Variants in SLC25A26 observed in about 807,000 individuals in gnomAD.
SLC25A26 encodes solute carrier family 25 member 26.
SLC25A26 carries 36 observed loss-of-function variants against 37.8 expected under a neutral mutation model. The observed-to-expected ratio is 0.95, with a 90% CI of 0.73 to 1.26. The LOEUF (loss-of-function observed/expected upper bound fraction) is 1.26. Among genes scored for constraint, SLC25A26 ranks in the 50% most tolerant of loss-of-function variants. SLC25A26 has a pLI of 0.00. For synonymous variants in SLC25A26, 129 were observed against 122.5 expected (o/e 1.05, Z -0.35); for missense variants, 390 against 331.1 (o/e 1.18, Z -1.38).
chr3:66,141,733 C>T (rs532410336), intron 1 of SLC25A26, among the ~76,000 whole-genome samples: 2 of 152,236 alleles, frequency 1.3e-5, no homozygotes, highest in African/African-American at 4.8e-5. Context: ...AGGCTGGTTT[C>T]GAACTCCCGA....
intron 3 of SLC25A26, among the ~76,000 whole-genome samples, chr3:66,246,529 A>G (rs996290025): frequency 2.0e-5 from 3 of 152,190 alleles, no homozygotes; most frequent in African/African-American, 4.8e-5. Context: ...AAAAGGCTCT[A>G]AGTTTCTAAG....
At chr3:66,288,188 A>G (rs782721) in intron 5 of SLC25A26, among the ~76,000 whole-genome samples, 78,763 of 151,962 alleles carry the variant, frequency 0.52, 22,777 homozygotes, top group African/African-American at 0.78. Flanking sequence ...TGGAGTACTG[A>G]CAAGATAAGA....
chr3:66,184,605 A>C (rs1056915349), intron 1 of SLC25A26, among the ~76,000 whole-genome samples: 2 of 148,986 alleles, frequency 1.3e-5, no homozygotes, highest in African/African-American at 5.0e-5. Context: ...TGAGTTTACT[A>C]TGTATTACAT....
intron 1 of SLC25A26, among the ~76,000 whole-genome samples, chr3:66,183,461 C>G (rs552377616): frequency 1.3e-5 from 2 of 152,072 alleles, no homozygotes; most frequent in African/African-American, 4.8e-5. Context: ...ACCGTGTCCC[C>G]GAACATATGG....
rs782311010 is a variant in SLC25A26, at chr3:66,243,299, C to G, written c.287C>G (p.Ser96Cys). 4 of 1,595,716 alleles carry G rather than the reference C, an allele frequency of 2.5e-6. No individual in the cohort carries two copies. Among genetic ancestry groups the G allele is most frequent in the South Asian group, 2.2e-5 (2 of 89,024 alleles). ...CCTATGAAACATATGTTGGCTGCCTCTGCTGGAGAAGTGGTAAGTAACAAG... is the reference window on the plus strand; with the variant it reads ...CCTATGAAACATATGTTGGCTGCCTGTGCTGGAGAAGTGGTAAGTAACAAG... ...LTPMKHMLAA[S>C]AGEVVACLIR... Residue 96 changes from serine (S) to cysteine (C), a missense_variant, in exon 3 of 10, where the codon TCT (serine) becomes TGT (cysteine). Coordinates refer to ENST00000354883, the MANE Select transcript of SLC25A26 (RefSeq NM_001379210.1).
intron 5 of SLC25A26, among the ~76,000 whole-genome samples, chr3:66,292,131 T>A (rs2074733359): frequency 6.6e-6 from 1 of 152,202 alleles, no homozygotes; most frequent in Non-Finnish European, 1.5e-5. Flanking sequence ...CCGCTGATTT[T>A]TTTTGGTTTC....
Position 66,332,191 on chromosome 3 carries a change from G to A in SLC25A26, c.454-14173G>A, listed in dbSNP as rs532091911. 4.1e-3 allele frequency among the ~76,000 whole-genome samples: 629 copies of A among 152,184 alleles called. 6 individuals are homozygous for A. Among genetic ancestry groups the A allele is most frequent in the African/African-American group, 0.015 (608 of 41,532 alleles). ...GACCTCAGGTGATCCACCTACCTCT[G>A]CCTCCCAAAGTGCTGAGATTACAGG... is the stretch of plus-strand genomic sequence containing the variant. On this transcript the variant is annotated intron_variant, in intron 5 of 9. Transcript: ENST00000354883.
chr3:66,196,829 A>T (rs1451990551), intron 1 of SLC25A26, among the ~76,000 whole-genome samples: 1 of 152,186 alleles, frequency 6.6e-6, no homozygotes, highest in Non-Finnish European at 1.5e-5. Flanking sequence ...CTGTAGACAT[A>T]AGAGACACCT....
intron 1 of SLC25A26, among the ~76,000 whole-genome samples, chr3:66,136,169 C>T (rs1171710980): frequency 6.6e-6 from 1 of 152,204 alleles, no homozygotes; most frequent in Non-Finnish European, 1.5e-5. Context: ...TTTGTGTCTA[C>T]TTGCAAATTT....
chr3:66,216,202 A>G (rs2071358386), upstream of SLC25A26, among the ~76,000 whole-genome samples: 1 of 152,182 alleles, frequency 6.6e-6, no homozygotes, highest in South Asian at 2.1e-4. Flanking sequence ...AGATCTTAAC[A>G]AATACTATCG....
At chr3:66,313,251 T>C (rs1376288700) in intron 5 of SLC25A26, among the ~76,000 whole-genome samples, 1 of 152,252 alleles carries the variant, frequency 6.6e-6, no homozygotes, top group Non-Finnish European at 1.5e-5. Flanking sequence ...AGAGTTTTTA[T>C]GGTTCTGGGT....
intron 1 of SLC25A26, among the ~76,000 whole-genome samples, chr3:66,155,274 C>T (rs2070265669): frequency 6.6e-6 from 1 of 152,174 alleles, no homozygotes; most frequent in South Asian, 2.1e-4. Flanking sequence ...CTTTGGGAGG[C>T]CAAAGCAGGA....
At chr3:66,255,662 C>T (rs1177237271) in intron 3 of SLC25A26, among the ~76,000 whole-genome samples, 4 of 152,062 alleles carry the variant, frequency 2.6e-5, no homozygotes, top group Non-Finnish European at 5.9e-5. Flanking sequence ...ATGGATTTAC[C>T]AAGAGACCCA....
chr3:66,222,938 A>G (rs972219059), intron 1 of SLC25A26, among the ~76,000 whole-genome samples: 6 of 152,192 alleles, frequency 3.9e-5, no homozygotes, highest in Non-Finnish European at 8.8e-5. Context: ...AATTAGAATC[A>G]ATAGGTGGAA....
rs368793097 is a variant in SLC25A26, at chr3:66,304,301, TGGG to T, written c.453+40925_453+40927del. Among the ~76,000 whole-genome samples, 147 of 152,286 alleles carry T rather than the reference TGGG, an allele frequency of 9.7e-4. 1 individual carries two copies. The highest frequency in any genetic ancestry group is 3.3e-3 in the African/African-American group (136 of 41,578). ...CGGGTACATCAGGGAGTGGGAATCT[TGGG>T]GGCCTCCCACAATGCCTCTTGATTT... On this transcript the variant is annotated intron_variant, in intron 5 of 9. Transcript: ENST00000354883.
chr3:66,173,333 A>C (rs1219412975), intron 1 of SLC25A26, among the ~76,000 whole-genome samples: 1 of 152,120 alleles, frequency 6.6e-6, no homozygotes, highest in African/African-American at 2.4e-5. Context: ...ATGCAGATTG[A>C]GAGTAGAGGT....
intron 5 of SLC25A26, among the ~76,000 whole-genome samples, chr3:66,334,483 T>G (rs2076050035): frequency 6.6e-6 from 1 of 152,002 alleles, no homozygotes; most frequent in Non-Finnish European, 1.5e-5. Context: ...CCTGGCTAAT[T>G]TTTTGTATTC....
chr3:66,211,531 C>G (rs1340536499), intron 1 of SLC25A26, among the ~76,000 whole-genome samples: 1 of 152,096 alleles, frequency 6.6e-6, no homozygotes, highest in African/African-American at 2.4e-5. Context: ...TGCTGCCTCC[C>G]CCGGTCTTTC....
chr3:66,205,627 T>C (rs1470695881), intron 1 of SLC25A26, among the ~76,000 whole-genome samples: 1 of 152,250 alleles, frequency 6.6e-6, no homozygotes, highest in African/African-American at 2.4e-5. Context: ...TTCAATTTTC[T>C]ATCACTTTGT....
Sources: gnomAD v4.1 joint callset for allele counts (sites outside exome capture counted in the v4.1 genomes callset) on GRCh38, gnomAD v4.1.1 for gene constraint, MANE v1.5 for transcripts, NCBI Gene and HGNC (gene_info 2026-07-23, HGNC 2026-07-21) for gene names.